Variants in PDE4D observed in about 807,000 individuals in gnomAD.
PDE4D encodes 3',5'-cyclic-AMP phosphodiesterase 4D.
A neutral mutation model predicts 87.4 loss-of-function variants in PDE4D; 24 were observed. That is an observed-to-expected ratio of 0.27 (90% CI 0.20 to 0.39). PDE4D has a LOEUF of 0.39. Ranked by LOEUF, PDE4D falls within the 10% of genes least tolerant of loss-of-function variation. PDE4D has a pLI of 1.00. For missense variants in PDE4D, 714 were observed against 1,041.0 expected (o/e 0.69, Z 4.32); for synonymous variants, 384 against 383.2 (o/e 1.00, Z -0.02).
At chr5:59,442,555 T>A (rs1481483624) in intron 1 of PDE4D, among the ~76,000 whole-genome samples, 2 of 152,244 alleles carry the variant, frequency 1.3e-5, no homozygotes, top group Non-Finnish European at 2.9e-5. Context: ...AATAAGTTGG[T>A]ACCTTTTTGC....
At chr5:60,323,856 T>G (rs1201572005) in intron 1 of PDE4D, among the ~76,000 whole-genome samples, 1 of 151,722 alleles carries the variant, frequency 6.6e-6, no homozygotes, top group Non-Finnish European at 1.5e-5. Context: ...GGGTTTTGTC[T>G]CCTCTGCCCC....
At chr5:60,192,119 T>C (rs1785245348) in intron 1 of PDE4D, among the ~76,000 whole-genome samples, 1 of 152,166 alleles carries the variant, frequency 6.6e-6, no homozygotes, top group African/African-American at 2.4e-5. Context: ...ATTAGAGGTA[T>C]AAATCTACAA....
intron 1 of PDE4D, among the ~76,000 whole-genome samples, chr5:59,465,873 T>G (rs1004921196): frequency 7.2e-5 from 11 of 152,210 alleles, no homozygotes; most frequent in African/African-American, 2.7e-4. Context: ...CTGATTCCTT[T>G]TTTACAGATG....
At chr5:59,955,851 G>A (rs550846553) in intron 3 of PDE4D, among the ~76,000 whole-genome samples, 32 of 152,128 alleles carry the variant, frequency 2.1e-4, no homozygotes, top group Non-Finnish European at 1.9e-4. Context: ...AAGTAAGATC[G>A]ACATGTTCTT....
At chr5:60,209,700 G>A (rs1742967226) in intron 1 of PDE4D, among the ~76,000 whole-genome samples, 1 of 151,994 alleles carries the variant, frequency 6.6e-6, no homozygotes, top group East Asian at 1.9e-4. Flanking sequence ...GAGCCGGAGG[G>A]AGGAGAGTGG....
In PDE4D at chr5:60,315,430, G is replaced by A. The variant is rs187857078; in HGVS notation, c.-89-129743C>T. On this transcript the variant is annotated intron_variant, in intron 1 of 16. Transcript: ENST00000502484. The stretch of plus-strand genomic sequence containing the variant: ...GATGGCAAAAATTTTCTCCCATTCT[G>A]TAGGTTGCCTGTTGACTCTGATGGT... Among the ~76,000 whole-genome samples the A allele has an allele frequency of 3.2e-3, 490 of 152,202 alleles. 4 individuals carry two copies. The highest frequency in any genetic ancestry group is 0.011 in the African/African-American group (461 of 41,508).
intron 1 of PDE4D, among the ~76,000 whole-genome samples, chr5:59,449,415 C>T (rs758835049): frequency 6.6e-6 from 1 of 152,210 alleles, no homozygotes; most frequent in Non-Finnish European, 1.5e-5. Context: ...TCGATTCCTT[C>T]TAACGTCGTT....
intron 5 of PDE4D, among the ~76,000 whole-genome samples, chr5:59,123,748 G>A (rs1000281236): frequency 3.3e-5 from 5 of 152,172 alleles, no homozygotes; most frequent in African/African-American, 1.2e-4. Context: ...TTGCATGTCA[G>A]AGACTGGAAG....
intron 1 of PDE4D, among the ~76,000 whole-genome samples, chr5:60,314,900 G>A (rs989028039): frequency 2.6e-5 from 4 of 152,148 alleles, no homozygotes; most frequent in African/African-American, 9.7e-5. Flanking sequence ...TGGACATTTG[G>A]CTTGGTTCCA....
At chr5:60,261,942 C>T (rs1749687248) in intron 1 of PDE4D, among the ~76,000 whole-genome samples, 1 of 152,108 alleles carries the variant, frequency 6.6e-6, no homozygotes, top group Non-Finnish European at 1.5e-5. Context: ...TGGCACTAAT[C>T]ATGTCCCATA....
At chr5:60,016,635 T>A (rs1022153150) in intron 2 of PDE4D, among the ~76,000 whole-genome samples, 7 of 152,210 alleles carry the variant, frequency 4.6e-5, no homozygotes, top group Non-Finnish European at 7.3e-5. Context: ...ATTTCAACAA[T>A]GTTCACAGCG....
At chr5:59,626,684 A>G (rs1830938417) in intron 1 of PDE4D, among the ~76,000 whole-genome samples, 1 of 152,232 alleles carries the variant, frequency 6.6e-6, no homozygotes, top group African/African-American at 2.4e-5. Context: ...CAGTGGTAAA[A>G]AAATCATATT....
intron 1 of PDE4D, among the ~76,000 whole-genome samples, chr5:59,493,985 C>T (rs528303487): frequency 4.9e-4 from 74 of 152,280 alleles, no homozygotes; most frequent in African/African-American, 1.7e-3. Context: ...AAATAAATGG[C>T]TTACTATAAA....
At chr5:60,217,828 AT>A (rs1455709889) in intron 1 of PDE4D, among the ~76,000 whole-genome samples, 1 of 151,956 alleles carries the variant, frequency 6.6e-6, no homozygotes, top group African/African-American at 2.4e-5. Context: ...GAGAAATAAA[AT>A]TTAAAACCAC....
chr5:59,548,538 G>T (rs1365107043), intron 1 of PDE4D, among the ~76,000 whole-genome samples: 1 of 152,136 alleles, frequency 6.6e-6, no homozygotes, highest in Admixed American at 6.6e-5. Context: ...CTGGTGGGAT[G>T]GAGTCAACCC....
At chr5:59,096,944 G>T (rs1769843692) in intron 5 of PDE4D, among the ~76,000 whole-genome samples, 1 of 152,162 alleles carries the variant, frequency 6.6e-6, no homozygotes. Flanking sequence ...CCACTTATTG[G>T]TGTATAATAT....
intron 1 of PDE4D, among the ~76,000 whole-genome samples, chr5:60,440,163 G>A (rs537005772): frequency 6.6e-6 from 1 of 152,192 alleles, no homozygotes; most frequent in South Asian, 2.1e-4. Context: ...GTCTTAGTGG[G>A]GGATGAGTGA....
intron 2 of PDE4D, among the ~76,000 whole-genome samples, chr5:60,049,507 T>C (rs1246255295): frequency 5.3e-5 from 8 of 152,220 alleles, no homozygotes; most frequent in Admixed American, 4.6e-4. Flanking sequence ...TTATCTACTA[T>C]TGGTCTTTGA....
chr5:59,487,383 C>T (rs1173983829), intron 1 of PDE4D, among the ~76,000 whole-genome samples: 5 of 152,050 alleles, frequency 3.3e-5, no homozygotes, highest in South Asian at 2.1e-4. Flanking sequence ...AGGTTTTTTT[C>T]GTGTTCAGTT....
Sources: allele counts gnomAD v4.1 joint callset (sites outside exome capture counted in the v4.1 genomes callset), GRCh38; gene constraint gnomAD v4.1.1; transcripts MANE v1.5; gene names NCBI Gene and HGNC (gene_info 2026-07-23, HGNC 2026-07-21).